Variants in N4BP1 observed in about 807,000 individuals in gnomAD.
N4BP1 encodes NEDD4 binding protein 1.
Under a neutral mutation model 70.9 loss-of-function variants are expected in N4BP1, and 21 were observed. The ratio of observed to expected loss-of-function variants is 0.30; its 90% confidence interval spans 0.21 to 0.43. N4BP1 has a LOEUF of 0.43. N4BP1 is among the 20% of genes least tolerant of loss of function. The pLI is 1.00. For missense variants in N4BP1, 936 were observed against 1,069.4 expected (o/e 0.88, Z 1.74); for synonymous variants, 387 against 394.6 (o/e 0.98, Z 0.23).
chr16:48,568,521 C>T (rs1043952112), intron 1 of N4BP1, among the ~76,000 whole-genome samples: 2 of 152,206 alleles, frequency 1.3e-5, no homozygotes, highest in African/African-American at 4.8e-5. Flanking sequence ...AAGGAATAGA[C>T]TGTTCAGTGT....
intron 1 of N4BP1, among the ~76,000 whole-genome samples, chr16:48,596,492 C>T (rs569331796): frequency 8.5e-5 from 13 of 152,274 alleles, no homozygotes; most frequent in African/African-American, 2.6e-4. Flanking sequence ...GAGTGACTGA[C>T]GGCCCTTTCC....
In N4BP1 at chr16:48,538,765, A is replaced by C. The variant is rs1165619824; in HGVS notation, c.*4139T>G. 1 of 152,326 alleles carries C rather than the reference A, an allele frequency of 6.6e-6. No individual in the cohort carries two copies. The highest frequency in any genetic ancestry group is 1.5e-5 in the Non-Finnish European group (1 of 68,178). 9.4% of individuals were successfully genotyped at this position (152,326 alleles called of 1,614,324 possible). ...CATTTATTAAGCACCTATCAAGTGCAAGGCACTGTGCTAGGCGCCGTGGGA... is the reference window on the plus strand; with the variant it reads ...CATTTATTAAGCACCTATCAAGTGCCAGGCACTGTGCTAGGCGCCGTGGGA... On this transcript the variant is annotated 3_prime_UTR_variant, in exon 7 of 7. Coordinates refer to ENST00000262384, the MANE Select transcript of N4BP1 (RefSeq NM_153029.4).
At chr16:48,609,646 C>T (rs1161140786) in intron 1 of N4BP1, 129 bp downstream of exon 1, 2 of 789,826 alleles carry the variant, frequency 2.5e-6, no homozygotes, top group Non-Finnish European at 1.7e-6. Flanking sequence ...AAGGCACGTT[C>T]GCTGGCTCCC....
At chr16:48,564,394 A>G (rs1963908709) in intron 1 of N4BP1, among the ~76,000 whole-genome samples, 2 of 152,186 alleles carry the variant, frequency 1.3e-5, no homozygotes, top group South Asian at 4.1e-4. Context: ...CTATAGGTAT[A>G]ATATTGCTCT....
At chr16:48,566,998 C>T (rs564149598) in intron 1 of N4BP1, among the ~76,000 whole-genome samples, 33 of 152,194 alleles carry the variant, frequency 2.2e-4, no homozygotes, top group Non-Finnish European at 3.7e-4. Flanking sequence ...GCTCTGAAGG[C>T]TACTGATAGT....
chr16:48,574,820 A>T (rs1310499429), intron 1 of N4BP1, among the ~76,000 whole-genome samples: 2 of 152,220 alleles, frequency 1.3e-5, no homozygotes, highest in African/African-American at 4.8e-5. Context: ...TTTGGGTTAC[A>T]AAATTAAGTA....
chr16:48,595,023 G>A (rs1199635560), intron 1 of N4BP1, among the ~76,000 whole-genome samples: 1 of 152,010 alleles, frequency 6.6e-6, no homozygotes, highest in East Asian at 1.9e-4. Flanking sequence ...TGTGGCATTA[G>A]AATAAAAAAA....
At chr16:48,600,606 C>T (rs1964480501) in intron 1 of N4BP1, 4 of 548,858 alleles carry the variant, frequency 7.3e-6, no homozygotes, top group South Asian at 4.3e-5. Flanking sequence ...GAAGAGAAAA[C>T]AGTACAGCAG....
rs1210366985 is a variant in N4BP1 at position 48,540,468 on chromosome 16, C to T, written c.*2436G>A. The T allele has an allele frequency of 6.6e-6, 1 of 152,408 alleles. No individual in the cohort carries two copies. The highest frequency in any genetic ancestry group is 2.4e-5 in the African/African-American group (1 of 41,478). The allele number at this position is 152,408 out of a possible 1,614,324, so 9.4% of individuals were successfully genotyped here. On this transcript the variant is annotated 3_prime_UTR_variant, in exon 7 of 7. Coordinates refer to ENST00000262384, the MANE Select transcript of N4BP1 (RefSeq NM_153029.4). ...GACCGGCCGCCCAGGATGGCCCAGA[C>T]ACCTTCTGTCTCCTGAATGCAGCCT...
chr16:48,556,543 A>T (rs1304389172), intron 2 of N4BP1, among the ~76,000 whole-genome samples: 6 of 152,254 alleles, frequency 3.9e-5, no homozygotes, highest in African/African-American at 1.4e-4. Flanking sequence ...ATGAACAGTT[A>T]TCAAGTCTGG....
intron 1 of N4BP1, among the ~76,000 whole-genome samples, chr16:48,567,293 A>C (rs1293990682): frequency 6.6e-6 from 1 of 152,120 alleles, no homozygotes; most frequent in Non-Finnish European, 1.5e-5. Context: ...TTATACAAAC[A>C]CTTAGTATAA....
rs780403953 is a variant in N4BP1, at chr16:48,609,886, G to A, written c.87C>T (p.Gly29=). 3.4e-6 allele frequency: 5 copies of A among 1,479,082 alleles called. No individual in the cohort carries two copies. Among genetic ancestry groups the A allele is most frequent in the Middle Eastern group, 2.1e-4 (1 of 4,818 alleles). 91.6% of individuals were successfully genotyped at this position (1,479,082 alleles called of 1,614,324 possible). ...LLEQSRGRIE[G]LFGVSLAVLG... Reference sequence around the variant, plus strand: ...GCACGGCTAGGCTCACGCCAAACAGGCCCTCGATACGGCCGCGGCTCTGCT... The same window carrying A: ...GCACGGCTAGGCTCACGCCAAACAGACCCTCGATACGGCCGCGGCTCTGCT... Residue 29 remains glycine, a synonymous_variant, in exon 1 of 7, where the codon GGC becomes GGT. Transcript: ENST00000262384.
intron 1 of N4BP1, among the ~76,000 whole-genome samples, chr16:48,583,842 C>T (rs1379295566): frequency 2.0e-5 from 3 of 152,140 alleles, no homozygotes; most frequent in Non-Finnish European, 2.9e-5. Context: ...CGAAGGGACT[C>T]TCATCTGCTT....
chr16:48,603,024 C>A (rs892259827), intron 1 of N4BP1, among the ~76,000 whole-genome samples: 6 of 151,922 alleles, frequency 3.9e-5, no homozygotes, highest in East Asian at 3.9e-4. Context: ...ATTCATGAAA[C>A]CAGGTACCAG....
intron 1 of N4BP1, among the ~76,000 whole-genome samples, chr16:48,565,599 T>A (rs1963930397): frequency 6.6e-6 from 1 of 152,234 alleles, no homozygotes; most frequent in South Asian, 2.1e-4. Context: ...TCCTTTTTGG[T>A]ACTGTTTTTG....
In N4BP1 at chr16:48,609,669, C is replaced by T; in HGVS notation, c.198+106G>A. On this transcript the variant is annotated intron_variant, in intron 1 of 6. Coordinates refer to ENST00000262384, the MANE Select transcript of N4BP1 (RefSeq NM_153029.4). ...TTCGCTGGCTCCCGAGACTGCGTTC[C>T]CAACCCAGGCGCATCGCGGCGGACG... 5 of 1,036,158 alleles carry T rather than the reference C, an allele frequency of 4.8e-6. No homozygotes were observed. The South Asian group carries it at 1.8e-4, about 37-fold the overall frequency. The allele number at this position is 1,036,158 out of a possible 1,614,324, so 64.2% of individuals were successfully genotyped here. A position where few individuals can be genotyped will look rare whatever the true frequency, so the allele number is the denominator to read the frequency against.
intron 2 of N4BP1, among the ~76,000 whole-genome samples, chr16:48,556,716 A>G (rs3785137): frequency 7.9e-5 from 12 of 152,232 alleles, no homozygotes; most frequent in South Asian, 6.2e-4. Context: ...ATAAAAACTC[A>G]TGGCAGCCAT....
chr16:48,580,152 TAATAA>T (rs1021620677), intron 1 of N4BP1, among the ~76,000 whole-genome samples: 3 of 151,894 alleles, frequency 2.0e-5, no homozygotes, highest in African/African-American at 7.3e-5. Flanking sequence ...TAGAAAATAT[TAATAA>T]AATGAGTTGT....
chr16:48,547,682 T>C (rs1487024007), intron 5 of N4BP1, among the ~76,000 whole-genome samples: 5 of 152,224 alleles, frequency 3.3e-5, no homozygotes, highest in African/African-American at 9.6e-5. Flanking sequence ...CTGAGTAAAA[T>C]AGGAGGCCGT....
Sources: allele counts gnomAD v4.1 joint callset (sites outside exome capture counted in the v4.1 genomes callset), GRCh38; gene constraint gnomAD v4.1.1; transcripts MANE v1.5; gene names NCBI Gene and HGNC (gene_info 2026-07-23, HGNC 2026-07-21).